SLC25A17: variants seen among roughly 807,000 people sequenced by gnomAD.
SLC25A17 encodes the protein solute carrier family 25 member 17.
A neutral mutation model predicts 38.5 loss-of-function variants in SLC25A17; 26 were observed. The ratio of observed to expected loss-of-function variants is 0.68; its 90% CI spans 0.50 to 0.94. The LOEUF (loss-of-function observed/expected upper bound fraction) is 0.94, where lower values mean the gene tolerates loss of function less well. SLC25A17 is among the 40% of genes least tolerant of loss of function. SLC25A17 has a pLI of 0.00. For synonymous variants in SLC25A17, 139 were observed against 136.2 expected (o/e 1.02, Z -0.14); for missense variants, 333 against 372.7 (o/e 0.89, Z 0.88).
intron 4 of SLC25A17, chr22:40,788,941 T>C (rs1193649189): frequency 2.9e-5 from 9 of 312,486 alleles, no homozygotes; most frequent in Non-Finnish European, 5.1e-5. Context: ...TGGTCTGAGG[T>C]AGCCAACAAC....
chr22:40,802,101 T>C (rs2057489475), intron 1 of SLC25A17, among the ~76,000 whole-genome samples: 1 of 151,882 alleles, frequency 6.6e-6, no homozygotes, highest in Admixed American at 6.6e-5. Context: ...CGGTACTGCA[T>C]TTCTTTGAAG....
Position 40,779,142 on chromosome 22 carries a change from G to A in SLC25A17, c.335-17C>T. ...TAACCACTCCTTTAACAAGAAAGAT[G>A]GAGAGAAAAAGGGAAGGCAAAATGT... On this transcript the variant is annotated splice_polypyrimidine_tract_variant and intron_variant, in intron 4 of 8. Coordinates refer to ENST00000435456, the MANE Select transcript of SLC25A17 (RefSeq NM_006358.4). 1 of 1,614,096 alleles carries A rather than the reference G, an allele frequency of 6.2e-7. No homozygotes were observed. The highest frequency in any genetic ancestry group is 8.5e-7 in the Non-Finnish European group (1 of 1,180,018).
chr22:40,791,452 C>G (rs540122780), intron 4 of SLC25A17, among the ~76,000 whole-genome samples: 87 of 152,228 alleles, frequency 5.7e-4, no homozygotes, highest in African/African-American at 2.0e-3. Flanking sequence ...TCAGGAAATT[C>G]CAATGGTTTT....
chr22:40,795,361 C>T (rs537383090), intron 2 of SLC25A17, among the ~76,000 whole-genome samples: 10 of 151,696 alleles, frequency 6.6e-5, no homozygotes, highest in Non-Finnish European at 1.2e-4. Context: ...GGCGTGATCT[C>T]GGCTCACTGC....
intron 4 of SLC25A17, among the ~76,000 whole-genome samples, chr22:40,791,625 C>G (rs1234068360): frequency 6.6e-6 from 1 of 152,096 alleles, no homozygotes; most frequent in South Asian, 2.1e-4. Context: ...AAATGGCCAA[C>G]AAACATATGA....
At chr22:40,776,575 A>G (rs557229624) in intron 7 of SLC25A17, among the ~76,000 whole-genome samples, 170 of 152,338 alleles carry the variant, frequency 1.1e-3, no homozygotes, top group Middle Eastern at 3.4e-3. Flanking sequence ...AATGACAGCC[A>G]GCCTAGTTAA....
At chr22:40,779,618 C>T (rs1025424367) in intron 4 of SLC25A17, 6 of 181,038 alleles carry the variant, frequency 3.3e-5, no homozygotes, top group Non-Finnish European at 7.1e-5. Context: ...AAGGTGGTGA[C>T]ATTTAAAAGT....
Position 40,819,194 on chromosome 22 carries a change from C to T in SLC25A17, c.54+1G>A, listed in dbSNP as rs1203943848. 1 of 1,613,642 alleles carries T rather than the reference C, an allele frequency of 6.2e-7. No individual in the cohort carries two copies. Among genetic ancestry groups the T allele is most frequent in the Non-Finnish European group, 8.5e-7 (1 of 1,180,022 alleles). The stretch of plus-strand genomic sequence containing the variant: ...GCCCGGGCGTAAAGACCCCGTCTCA[C>T]CACGGCTCCGGCCACGGCGTGGACC... On this transcript the variant is annotated splice_donor_variant, in intron 1 of 8. Transcript: ENST00000435456. LOFTEE classifies it high-confidence loss of function.
intron 1 of SLC25A17, among the ~76,000 whole-genome samples, chr22:40,800,451 T>G (rs1050270195): frequency 6.6e-6 from 1 of 152,186 alleles, no homozygotes; most frequent in Non-Finnish European, 1.5e-5. Flanking sequence ...TAGGCTCCAG[T>G]GCAGTGGCGA....
At chr22:40,794,362 C>T in intron 3 of SLC25A17, 152 bp downstream of exon 3, 1 of 509,090 alleles carries the variant, frequency 2.0e-6, no homozygotes, top group Admixed American at 3.3e-5. Flanking sequence ...CTTTAAGAAA[C>T]TGAAAACAAT....
chr22:40,779,437 A>T (rs1248004267), intron 4 of SLC25A17: 2 of 584,232 alleles, frequency 3.4e-6, no homozygotes, highest in African/African-American at 3.7e-5. Flanking sequence ...ATTTTGATAT[A>T]GCTTTAAATA....
intron 4 of SLC25A17, among the ~76,000 whole-genome samples, chr22:40,791,036 C>T (rs182273626): frequency 1.2e-4 from 19 of 152,280 alleles, no homozygotes; most frequent in African/African-American, 4.1e-4. Context: ...GGCTGCAAAA[C>T]TGTGCAAAGT....
At chr22:40,780,961 G>C (rs2057288138) in intron 4 of SLC25A17, among the ~76,000 whole-genome samples, 1 of 151,924 alleles carries the variant, frequency 6.6e-6, no homozygotes, top group Non-Finnish European at 1.5e-5. Flanking sequence ...CTTGAGCCTA[G>C]GAGTTCAATA....
At chr22:40,815,507 G>A (rs916431286) in intron 1 of SLC25A17, among the ~76,000 whole-genome samples, 1 of 152,240 alleles carries the variant, frequency 6.6e-6, no homozygotes, top group African/African-American at 2.4e-5. Flanking sequence ...TGCAACAAGT[G>A]AAGGGAATGG....
At chr22:40,781,371 G>T (rs962225919) in intron 4 of SLC25A17, among the ~76,000 whole-genome samples, 1 of 151,320 alleles carries the variant, frequency 6.6e-6, no homozygotes, top group Non-Finnish European at 1.5e-5. Context: ...TCAGCCTCCC[G>T]AGTAGCCAGG....
At chr22:40,780,603 C>G (rs769359117) in intron 4 of SLC25A17, among the ~76,000 whole-genome samples, 2 of 152,166 alleles carry the variant, frequency 1.3e-5, no homozygotes, top group African/African-American at 2.4e-5. Flanking sequence ...GAAAAACCAA[C>G]AGCCAGAAAA....
chr22:40,809,278 G>A (rs970462499), intron 1 of SLC25A17, among the ~76,000 whole-genome samples: 1 of 151,772 alleles, frequency 6.6e-6, no homozygotes, highest in African/African-American at 2.4e-5. Flanking sequence ...GACTGCTTGA[G>A]GCCAAGAGTT....
chr22:40,817,277 T>G (rs1052785905), intron 1 of SLC25A17: 2 of 152,476 alleles, frequency 1.3e-5, no homozygotes, highest in East Asian at 1.9e-4. Flanking sequence ...TCACGTGGCT[T>G]TCACTCTTAG....
chr22:40,808,319 G>A (rs12628488), intron 1 of SLC25A17, among the ~76,000 whole-genome samples: 22,121 of 152,170 alleles, frequency 0.15, 1,697 homozygotes, highest in East Asian at 0.19. Context: ...ATTGGCACTT[G>A]AAGCAGTGGA....
Sources: gnomAD v4.1 joint callset for allele counts (sites outside exome capture counted in the v4.1 genomes callset) on GRCh38, gnomAD v4.1.1 for gene constraint, MANE v1.5 for transcripts, NCBI Gene and HGNC (gene_info 2026-07-23, HGNC 2026-07-21) for gene names.